Variants in SDK1 observed in about 807,000 individuals in gnomAD.
SDK1 encodes the protein sidekick cell adhesion molecule 1.
SDK1 carries 157 observed loss-of-function variants against 245.5 expected under a neutral mutation model. The observed-to-expected ratio is 0.64, with a 90% CI of 0.56 to 0.73. The LOEUF (loss-of-function observed/expected upper bound fraction) is 0.73, where lower values mean the gene tolerates loss of function less well. Among genes scored for constraint, SDK1 ranks in the 30% least tolerant of loss-of-function variants. The pLI is 0.00. For synonymous variants in SDK1, 1,647 were observed against 1,278.5 expected (o/e 1.29, Z -6.15); for missense variants, 3,583 against 3,002.3 (o/e 1.19, Z -4.52).
At chr7:4,103,300 C>A (rs945029816) in intron 22 of SDK1, among the ~76,000 whole-genome samples, 4 of 152,202 alleles carry the variant, frequency 2.6e-5, no homozygotes. Flanking sequence ...GCGCCCGGCC[C>A]CCCACAGAGC....
intron 5 of SDK1, among the ~76,000 whole-genome samples, chr7:3,873,652 CT>C (rs1781008852): frequency 6.6e-6 from 1 of 152,056 alleles, no homozygotes; most frequent in Admixed American, 6.6e-5. Context: ...TGTTTTTTCT[CT>C]TTGCATTTCA....
chr7:3,826,634 G>A (rs576052652), intron 5 of SDK1, among the ~76,000 whole-genome samples: 1 of 152,172 alleles, frequency 6.6e-6, no homozygotes, highest in African/African-American at 2.4e-5. Context: ...ACCTCTCCGG[G>A]CAAAGGTGAA....
At chr7:3,766,034 A>T (rs1343486302) in intron 4 of SDK1, among the ~76,000 whole-genome samples, 13 of 152,208 alleles carry the variant, frequency 8.5e-5, no homozygotes, top group Admixed American at 7.9e-4. Flanking sequence ...CATGCTTTTA[A>T]TAAGTGTATC....
chr7:3,695,910 T>G (rs1784559582), intron 4 of SDK1, among the ~76,000 whole-genome samples: 4 of 152,178 alleles, frequency 2.6e-5, no homozygotes, highest in Admixed American at 2.6e-4. Context: ...AATGAGCAAT[T>G]TTACTTTTCA....
intron 17 of SDK1, among the ~76,000 whole-genome samples, chr7:4,029,042 C>A (rs1221153872): frequency 2.0e-5 from 3 of 147,156 alleles, no homozygotes; most frequent in Non-Finnish European, 4.5e-5. Flanking sequence ...ATTCTACCAA[C>A]CCCGTTTGCT....
chr7:3,812,270 T>C (rs1478151864), intron 4 of SDK1, among the ~76,000 whole-genome samples: 1 of 152,242 alleles, frequency 6.6e-6, no homozygotes, highest in Non-Finnish European at 1.5e-5. Context: ...GAGATTCCCT[T>C]CTTTTTCTTC....
intron 1 of SDK1, among the ~76,000 whole-genome samples, chr7:3,319,490 G>A (rs1027987475): frequency 5.9e-5 from 9 of 152,292 alleles, no homozygotes; most frequent in Middle Eastern, 3.4e-3. Context: ...TTACCTTTTA[G>A]AAGTTTCTTT....
rs891487841 is a variant in SDK1 at position 3,761,250 on chromosome 7, GC to G, written c.714-60193del. ...AATCCAGTAGTTTTTTTTTTATCAA[GC>G]CCCCCCTCCTTTTTTTTTTTTTTTT... On this transcript the variant is annotated intron_variant, in intron 4 of 44. Transcript: ENST00000404826. Among the ~76,000 whole-genome samples the G allele has an allele frequency of 7.1e-5, 9 of 127,192 alleles. 1 individual carries two copies. Among genetic ancestry groups the G allele is most frequent in the South Asian group, 2.7e-4 (1 of 3,768 alleles). 83.4% of individuals were successfully genotyped at this position (127,192 alleles called of 152,430 possible). A position where few individuals can be genotyped will look rare whatever the true frequency, so the allele number is the denominator to read the frequency against.
chr7:3,660,416 A>G (rs1418743356), intron 4 of SDK1, among the ~76,000 whole-genome samples: 1 of 152,094 alleles, frequency 6.6e-6, no homozygotes, highest in Non-Finnish European at 1.5e-5. Flanking sequence ...ACATAAATAA[A>G]GTAAGAGATC....
intron 1 of SDK1, among the ~76,000 whole-genome samples, chr7:3,604,083 G>A (rs537955760): frequency 8.5e-5 from 13 of 152,274 alleles, no homozygotes; most frequent in African/African-American, 3.1e-4. Flanking sequence ...ATTTCGGTTT[G>A]CCAGTATTTT....
chr7:4,130,016 G>A lies in SDK1; in HGVS notation c.4048G>A (p.Glu1350Lys), dbSNP rs774949133. Residue 1350 changes from glutamate to lysine, a missense_variant, in exon 27 of 45, where the codon GAG becomes AAG. Transcript: ENST00000404826. Reference protein sequence around the residue: ...LAGLRKFVLYELQVLAFTRIG... With the variant: ...LAGLRKFVLYKLQVLAFTRIG... ...AGGCCTGCGCAAGTTCGTGCTCTACGAGCTCCAGGTGCTGGCGTTCACCCG... is the reference window on the plus strand; with the variant it reads ...AGGCCTGCGCAAGTTCGTGCTCTACAAGCTCCAGGTGCTGGCGTTCACCCG... 20 of 1,613,434 alleles carry A rather than the reference G, an allele frequency of 1.2e-5. No individual in the cohort carries two copies. The highest frequency in any genetic ancestry group is 2.2e-5 in the East Asian group (1 of 44,846).
intron 1 of SDK1, among the ~76,000 whole-genome samples, chr7:3,485,827 CTA>C (rs1562516059): frequency 6.6e-6 from 1 of 151,260 alleles, no homozygotes; most frequent in Non-Finnish European, 1.5e-5. Flanking sequence ...ATGAATCCAA[CTA>C]TGGTGGCTTT....
intron 28 of SDK1, among the ~76,000 whole-genome samples, chr7:4,143,301 C>T (rs1020659824): frequency 2.6e-5 from 4 of 152,182 alleles, no homozygotes; most frequent in Non-Finnish European, 4.4e-5. Flanking sequence ...TACCGGCCAC[C>T]ACAGGGTGAG....
chr7:3,520,387 G>A (rs1442834477), intron 1 of SDK1, among the ~76,000 whole-genome samples: 1 of 152,160 alleles, frequency 6.6e-6, no homozygotes, highest in Non-Finnish European at 1.5e-5. Context: ...TGGTTATCTT[G>A]TTAGTATAGT....
intron 40 of SDK1, among the ~76,000 whole-genome samples, chr7:4,222,181 A>T (rs1168031819): frequency 1.3e-5 from 2 of 152,210 alleles, no homozygotes; most frequent in Admixed American, 1.3e-4. Flanking sequence ...AGGCTATTAG[A>T]CCAAGAGGAA....
intron 7 of SDK1, among the ~76,000 whole-genome samples, chr7:3,953,796 A>G (rs1162461749): frequency 6.6e-6 from 1 of 152,226 alleles, no homozygotes; most frequent in Non-Finnish European, 1.5e-5. Context: ...TTAAAGGTAC[A>G]CAAACACACT....
intron 16 of SDK1, among the ~76,000 whole-genome samples, chr7:4,014,362 G>A (rs1786226153): frequency 6.6e-6 from 1 of 152,182 alleles, no homozygotes; most frequent in Non-Finnish European, 1.5e-5. Flanking sequence ...GGCATCTTCT[G>A]TATTTGCAGG....
chr7:3,808,254 A>G (rs1280926783), intron 4 of SDK1, among the ~76,000 whole-genome samples: 2 of 152,162 alleles, frequency 1.3e-5, no homozygotes, highest in East Asian at 1.9e-4. Context: ...AGAGAAGAAG[A>G]GTTGACGGGG....
chr7:3,509,406 C>T (rs1318623908), intron 1 of SDK1, among the ~76,000 whole-genome samples: 2 of 152,102 alleles, frequency 1.3e-5, no homozygotes, highest in African/African-American at 4.8e-5. Context: ...TGTGTGTTTC[C>T]TCAGTTGTAA....
Sources: allele counts gnomAD v4.1 joint callset (sites outside exome capture counted in the v4.1 genomes callset), GRCh38; gene constraint gnomAD v4.1.1; transcripts MANE v1.5; gene names NCBI Gene and HGNC (gene_info 2026-07-23, HGNC 2026-07-21).